Variants in SLC41A2 observed in about 807,000 individuals in gnomAD.
SLC41A2 encodes solute carrier family 41 member 2.
Under a neutral mutation model 58.3 loss-of-function variants are expected in SLC41A2, and 32 were observed. That is an observed-to-expected ratio of 0.55 (90% confidence interval 0.41 to 0.74). The LOEUF is 0.74. Ranked by LOEUF, SLC41A2 falls within the 30% of genes least tolerant of loss-of-function variation. The pLI, the probability that SLC41A2 is intolerant of heterozygous loss-of-function variation, is 0.00. For synonymous variants in SLC41A2, 190 were observed against 235.0 expected, an observed-to-expected ratio of 0.81 and a Z score of 1.75; for missense variants, 514 against 680.6, an observed-to-expected ratio of 0.76 and a Z score of 2.72.
intron 2 of SLC41A2, among the ~76,000 whole-genome samples, chr12:104,926,110 A>T (rs2135873501): frequency 6.6e-6 from 1 of 152,352 alleles, no homozygotes; most frequent in East Asian, 1.9e-4. Context: ...GTCACAAATA[A>T]CCTGAGGTTC....
At chr12:104,823,192 A>G (rs986980748) in intron 10 of SLC41A2, among the ~76,000 whole-genome samples, 1 of 152,158 alleles carries the variant, frequency 6.6e-6, no homozygotes, top group African/African-American at 2.4e-5. Context: ...CCAAAACTCT[A>G]TGTTGAGAGT....
At position 104,861,273 on chromosome 12, in the gene SLC41A2, A is replaced by C; in HGVS notation, c.1255+18T>G. On this transcript the variant is annotated intron_variant, in intron 8 of 10. Coordinates refer to ENST00000258538, the MANE Select transcript of SLC41A2 (RefSeq NM_001352171.3). ...CGAAGATTTGATATTATCATGAAAC[A>C]GTATATCTAATTCTTACCATTAATA... 1 of 1,556,274 alleles carries C rather than the reference A, an allele frequency of 6.4e-7. No homozygotes were observed. Among genetic ancestry groups the C allele is most frequent in the Non-Finnish European group, 8.9e-7 (1 of 1,129,222 alleles).
intron 10 of SLC41A2, among the ~76,000 whole-genome samples, chr12:104,808,413 A>C (rs202125641): frequency 6.6e-6 from 1 of 152,208 alleles, no homozygotes; most frequent in Non-Finnish European, 1.5e-5. Context: ...CCCAGGGATG[A>C]AGCCCACTTG....
intron 4 of SLC41A2, among the ~76,000 whole-genome samples, chr12:104,890,674 T>C (rs1593082499): frequency 6.6e-6 from 1 of 152,186 alleles, no homozygotes; most frequent in Non-Finnish European, 1.5e-5. Context: ...AAGTAGTAGA[T>C]GTGAAGGTTA....
chr12:104,917,024 A>G (rs2046355230), intron 2 of SLC41A2, among the ~76,000 whole-genome samples: 1 of 150,608 alleles, frequency 6.6e-6, no homozygotes, highest in South Asian at 2.1e-4. Context: ...AACTACCATC[A>G]GAGTGAACAG....
chr12:104,876,793 C>A (rs971009174), intron 6 of SLC41A2, among the ~76,000 whole-genome samples: 1 of 152,182 alleles, frequency 6.6e-6, no homozygotes, highest in African/African-American at 2.4e-5. Context: ...CTGCTAGATT[C>A]ATTTGGTCTA....
chr12:104,913,840 G>A lies in SLC41A2; in HGVS notation c.556-4078C>T, dbSNP rs147668292. On this transcript the variant is annotated intron_variant, in intron 2 of 10. Transcript: ENST00000258538. ...TAATCCCAGCACTCTGGAAGGCCGA[G>A]GCAGATGGATCACTTGAGGTCAGGA... 8.6e-3 allele frequency among the ~76,000 whole-genome samples: 1,316 copies of A among 152,334 alleles called. 17 individuals are homozygous for A. The highest frequency in any genetic ancestry group is 0.029 in the African/African-American group (1,211 of 41,574).
At chr12:104,902,159 C>T (rs1481265127) in intron 3 of SLC41A2, among the ~76,000 whole-genome samples, 3 of 145,268 alleles carry the variant, frequency 2.1e-5, no homozygotes, top group Non-Finnish European at 3.0e-5. Context: ...AAACAGCTTT[C>T]AAATAGTGAC....
chr12:104,910,572 A>G (rs1370988886), intron 2 of SLC41A2, among the ~76,000 whole-genome samples: 7 of 152,136 alleles, frequency 4.6e-5, no homozygotes, highest in Admixed American at 4.6e-4. Context: ...TCCAAAGTAA[A>G]CCTAAAATCT....
intron 1 of SLC41A2, among the ~76,000 whole-genome samples, chr12:104,941,159 C>T (rs2047499196): frequency 6.6e-6 from 1 of 152,088 alleles, no homozygotes; most frequent in African/African-American, 2.4e-5. Flanking sequence ...ATGGGTATTC[C>T]TGAATTATCT....
chr12:104,861,325 C>A lies in SLC41A2; in HGVS notation c.1221G>T (p.Leu407Phe). The A allele has an allele frequency of 6.2e-7, 1 of 1,613,400 alleles. No homozygotes were observed. Among genetic ancestry groups the A allele is most frequent in the Non-Finnish European group, 8.5e-7 (1 of 1,179,598 alleles). Residue 407 changes from leucine (L) to phenylalanine (F), a missense_variant, in exon 8 of 11, where the codon TTG becomes TTT. Physicochemically the swap from Leu to Phe is conservative, Grantham distance 22 (BLOSUM62 0). Transcript: ENST00000258538. ...CTGGCGTGTAAACAACAATCCCAAC[C>A]AAGTTTGGGTCTGATACAGTTGTGT... Reference protein sequence around the residue: ...ILDTTVSDPNLVGIVVYTPVI... With the variant: ...ILDTTVSDPNFVGIVVYTPVI...
At chr12:104,838,021 G>T (rs1280389673) in intron 10 of SLC41A2, among the ~76,000 whole-genome samples, 3 of 152,186 alleles carry the variant, frequency 2.0e-5, no homozygotes, top group Non-Finnish European at 4.4e-5. Context: ...CTTCGTATGT[G>T]ATGTCTGGAT....
In SLC41A2 at chr12:104,911,103, A is replaced by G. The variant is rs59027081; in HGVS notation, c.556-1341T>C. 8.7e-3 allele frequency among the ~76,000 whole-genome samples: 1,327 copies of G among 152,314 alleles called. 17 individuals carry two copies. The highest frequency in any genetic ancestry group is 0.029 in the African/African-American group (1,214 of 41,562). ...TCAAATAATTTAATTCTTTAAACCA[A>G]TTGCCAATCAGAAAATCTTTGAATC... On this transcript the variant is annotated intron_variant, in intron 2 of 10. Transcript: ENST00000258538.
intron 6 of SLC41A2, among the ~76,000 whole-genome samples, chr12:104,869,051 G>A (rs563042744): frequency 6.6e-5 from 10 of 152,284 alleles, no homozygotes; most frequent in African/African-American, 1.9e-4. Flanking sequence ...CAAGGATGGC[G>A]TGCAGTGGCA....
At chr12:104,826,344 G>A (rs1441940071) in intron 10 of SLC41A2, among the ~76,000 whole-genome samples, 2 of 152,168 alleles carry the variant, frequency 1.3e-5, no homozygotes, top group South Asian at 2.1e-4. Flanking sequence ...CTGTAGATGC[G>A]AGGACAGATG....
chr12:104,856,313 G>GTATA (rs996852979), intron 8 of SLC41A2, among the ~76,000 whole-genome samples: 1 of 152,146 alleles, frequency 6.6e-6, no homozygotes, highest in Non-Finnish European at 1.5e-5. Context: ...TGCAAAAAGG[G>GTATA]TATAGTAAAT....
intron 4 of SLC41A2, among the ~76,000 whole-genome samples, chr12:104,894,769 T>C (rs963050827): frequency 6.6e-6 from 1 of 152,186 alleles, no homozygotes; most frequent in Non-Finnish European, 1.5e-5. Flanking sequence ...TAGAAAAAGC[T>C]GTAGATTATA....
intron 1 of SLC41A2, among the ~76,000 whole-genome samples, chr12:104,954,825 T>C (rs1245342212): frequency 6.6e-6 from 1 of 152,168 alleles, no homozygotes; most frequent in Non-Finnish European, 1.5e-5. Flanking sequence ...AAACCTTTAC[T>C]TGTATTTTCT....
chr12:104,943,646 G>A (rs563029017), intron 1 of SLC41A2, among the ~76,000 whole-genome samples: 3 of 152,166 alleles, frequency 2.0e-5, no homozygotes, highest in Non-Finnish European at 2.9e-5. Flanking sequence ...CCCCAATTCA[G>A]CAGGAAGCAG....
Sources: gnomAD v4.1 joint callset for allele counts (sites outside exome capture counted in the v4.1 genomes callset) on GRCh38, gnomAD v4.1.1 for gene constraint, MANE v1.5 for transcripts, NCBI Gene and HGNC (gene_info 2026-07-23, HGNC 2026-07-21) for gene names.